Variants in CCDC171 observed in about 807,000 individuals in gnomAD.
CCDC171 encodes the protein coiled-coil domain containing 171, also known as coiled-coil domain-containing protein 171.
In CCDC171, 177 loss-of-function variants were observed where a neutral mutation model predicts 168.2. That is an observed-to-expected ratio of 1.05 (90% CI 0.93 to 1.19). The LOEUF (loss-of-function observed/expected upper bound fraction) is 1.19. Ranked by LOEUF, CCDC171 falls within the 50% of genes most tolerant of loss-of-function variation. CCDC171 has a pLI of 0.00. For synonymous variants in CCDC171, 687 were observed against 540.8 expected (o/e 1.27, Z -3.75); for missense variants, 1,991 against 1,539.0 (o/e 1.29, Z -4.91).
chr9:15,837,294 A>G (rs1043218454), intron 21 of CCDC171, among the ~76,000 whole-genome samples: 1 of 152,184 alleles, frequency 6.6e-6, no homozygotes, highest in Admixed American at 6.5e-5. Context: ...GCTCATTTAG[A>G]AGGTTAGAAC....
At chr9:15,774,797 A>G (rs2057220875) in intron 18 of CCDC171, among the ~76,000 whole-genome samples, 1 of 152,238 alleles carries the variant, frequency 6.6e-6, no homozygotes. Flanking sequence ...AAATAATGGC[A>G]TTTGTAGCAA....
intron 4 of CCDC171, among the ~76,000 whole-genome samples, chr9:15,589,458 A>G (rs1201553158): frequency 3.3e-5 from 5 of 152,164 alleles, no homozygotes; most frequent in Non-Finnish European, 5.9e-5. Context: ...TTCACTTCCT[A>G]AAAGTCAGAG....
chr9:15,944,825 T>C (rs867828942), intron 25 of CCDC171, among the ~76,000 whole-genome samples: 54 of 30,934 alleles, frequency 1.7e-3, no homozygotes, highest in East Asian at 0.012. Context: ...TTAGAATTCT[T>C]TTTCTTTCTT....
chr9:15,763,458 C>A (rs533026877), intron 18 of CCDC171, among the ~76,000 whole-genome samples: 1 of 152,256 alleles, frequency 6.6e-6, no homozygotes, highest in South Asian at 2.1e-4. Context: ...CAGGCATGGC[C>A]AGCCCTTATC....
At chr9:15,866,261 G>T (rs2061780593) in intron 23 of CCDC171, among the ~76,000 whole-genome samples, 1 of 151,834 alleles carries the variant, frequency 6.6e-6, no homozygotes, top group Non-Finnish European at 1.5e-5. Context: ...GCTCTAGAGA[G>T]CACATTTTGC....
At chr9:16,098,182 C>G in the CCDC171 span, among the ~76,000 whole-genome samples, 2 of 152,286 alleles carry the variant, frequency 1.3e-5, no homozygotes, top group South Asian at 2.1e-4. Context: ...TAGCTAACAT[C>G]GCTGAGCCTT....
the CCDC171 span, among the ~76,000 whole-genome samples, chr9:16,098,998 T>C: frequency 2.6e-5 from 4 of 152,300 alleles, no homozygotes; most frequent in Middle Eastern, 3.4e-3. Flanking sequence ...TAAGCCCTTA[T>C]TTGGGAAAGC....
chr9:15,711,473 A>G (rs891139338), intron 11 of CCDC171, among the ~76,000 whole-genome samples: 2 of 152,026 alleles, frequency 1.3e-5, no homozygotes, highest in Admixed American at 6.6e-5. Flanking sequence ...GCTTGTTCTT[A>G]TTATTTCTCT....
chr9:15,987,699 A>G (rs537238652), intron 3 of CCDC171, among the ~76,000 whole-genome samples: 1 of 152,366 alleles, frequency 6.6e-6, no homozygotes, highest in South Asian at 2.1e-4. Context: ...TTTCCAAAAT[A>G]CAGGTTGAGT....
intron 25 of CCDC171, among the ~76,000 whole-genome samples, chr9:15,926,955 G>A (rs1291334410): frequency 6.6e-6 from 1 of 151,408 alleles, no homozygotes; most frequent in Admixed American, 6.6e-5. Flanking sequence ...TTGTTGTTAT[G>A]ACTTATTTAA....
chr9:15,975,211 T>G (rs2132849917), downstream of CCDC171, among the ~76,000 whole-genome samples: 1 of 152,314 alleles, frequency 6.6e-6, no homozygotes, highest in East Asian at 1.9e-4. Flanking sequence ...CATCACCATT[T>G]TAGACATGAA....
chr9:15,847,657 G>A (rs1554647039), intron 22 of CCDC171, among the ~76,000 whole-genome samples: 1 of 152,018 alleles, frequency 6.6e-6, no homozygotes, highest in Non-Finnish European at 1.5e-5. Flanking sequence ...TTAGAATTCT[G>A]AATTTCTTTA....
the CCDC171 span, among the ~76,000 whole-genome samples, chr9:16,079,999 T>C: frequency 6.6e-6 from 1 of 152,200 alleles, no homozygotes; most frequent in Non-Finnish European, 1.5e-5. Flanking sequence ...AAACCTTCCA[T>C]GCTTGTGATG....
At chr9:16,036,420 G>A (rs1007250082) in intron 8 of CCDC171, among the ~76,000 whole-genome samples, 1 of 152,182 alleles carries the variant, frequency 6.6e-6, no homozygotes, top group African/African-American at 2.4e-5. Flanking sequence ...CAAGGCAGGC[G>A]GATCTCGAGG....
chr9:15,824,477 T>A (rs10738415), intron 21 of CCDC171, among the ~76,000 whole-genome samples: 70,734 of 151,686 alleles, frequency 0.47, 17,197 homozygotes, highest in East Asian at 0.74. Flanking sequence ...TGCTTTTAGG[T>A]CCCTTTCAAC....
chr9:15,679,606 G>T (rs1304496979), intron 10 of CCDC171, among the ~76,000 whole-genome samples: 2 of 152,148 alleles, frequency 1.3e-5, no homozygotes, highest in Non-Finnish European at 2.9e-5. Context: ...CTAGAGTGCA[G>T]TGGTGCAACC....
Position 15,560,291 on chromosome 9 carries a change from G to T in CCDC171, c.-111-3687G>T, listed in dbSNP as rs1210129517. 1.1e-4 allele frequency among the ~76,000 whole-genome samples: 17 copies of T among 152,162 alleles called. No individual in the cohort carries two copies. In the East Asian group the frequency reaches 3.3e-3, roughly 29 times the overall value. The stretch of plus-strand genomic sequence containing the variant: ...TGTTGGCCTGCCTCACTAGGTTGGG[G>T]AAGCTCTCCTGGATGATATCCTGAA... On this transcript the variant is annotated intron_variant, in intron 1 of 25. Transcript: ENST00000380701.
intron 24 of CCDC171, among the ~76,000 whole-genome samples, chr9:15,910,063 C>T (rs76335837): frequency 0.011 from 1,720 of 152,212 alleles, 37 homozygotes; most frequent in African/African-American, 0.039. Flanking sequence ...ATTTGACTTT[C>T]TGTCTCTGAG....
chr9:15,979,794 T>C (rs1831737397), intron 3 of CCDC171, among the ~76,000 whole-genome samples: 1 of 152,006 alleles, frequency 6.6e-6, no homozygotes, highest in Admixed American at 6.6e-5. Context: ...AATACTGGGC[T>C]CATAGAATGA....
Sources: gnomAD v4.1 joint callset for allele counts (sites outside exome capture counted in the v4.1 genomes callset) on GRCh38, gnomAD v4.1.1 for gene constraint, MANE v1.5 for transcripts, NCBI Gene and HGNC (gene_info 2026-07-23, HGNC 2026-07-21) for gene names.